CISD1: variants seen among roughly 807,000 people sequenced by gnomAD.
The protein encoded by CISD1 is CDGSH iron-sulfur domain-containing protein 1.
A neutral mutation model predicts 12.0 loss-of-function variants in CISD1; 8 were observed. The observed-to-expected ratio is 0.67, with a 90% confidence interval of 0.39 to 1.20. CISD1 has a LOEUF of 1.20. Among genes scored for constraint, CISD1 ranks in the 50% most tolerant of loss-of-function variants. CISD1 has a pLI of 0.01. For synonymous variants in CISD1, 38 were observed against 42.2 expected (o/e 0.90, Z 0.39); for missense variants, 107 against 132.7 (o/e 0.81, Z 0.95).
rs1588978270 is a variant in CISD1 at position 58,269,304 on chromosome 10, G to C, written c.31G>C (p.Val11Leu). ...TCTGACTTCCAGTTCCAGCGTACGA[G>C]GTGAAGTGGGGCCTGGGAGCGGGTG... is the stretch of plus-strand genomic sequence containing the variant. MSLTSSSSVR[V>L]EWIAAVTIAA... Residue 11 changes from valine to leucine, a missense_variant and splice_region_variant, in exon 1 of 3, where the codon GTT (valine) becomes CTT (leucine). Transcript: ENST00000333926. 1 of 1,608,418 alleles carries C rather than the reference G, an allele frequency of 6.2e-7. No homozygotes were observed. Among genetic ancestry groups the C allele is most frequent in the East Asian group, 2.2e-5 (1 of 44,802 alleles).
intron 2 of CISD1, 24 bp downstream of exon 2, chr10:58,277,346 C>T (rs763199250): frequency 6.9e-7 from 1 of 1,452,332 alleles, no homozygotes; most frequent in Non-Finnish European, 9.4e-7. Flanking sequence ...TTCCTTCATA[C>T]AGTACCATTT....
At chr10:58,269,357 G>C (rs901475891) in intron 1 of CISD1, 53 bp downstream of exon 1, 19 of 1,548,848 alleles carry the variant, frequency 1.2e-5, no homozygotes, top group South Asian at 4.5e-5. Flanking sequence ...CGGTTGCCGC[G>C]CCCGCAGTTC....
At chr10:58,269,860 G>A (rs933530815) in intron 1 of CISD1, among the ~76,000 whole-genome samples, 6 of 152,112 alleles carry the variant, frequency 3.9e-5, no homozygotes, top group Non-Finnish European at 7.3e-5. Context: ...CAGTAGTCCA[G>A]GATAAAGGAT....
At chr10:58,278,890 G>A (rs1453022692) in intron 2 of CISD1, among the ~76,000 whole-genome samples, 1 of 152,122 alleles carries the variant, frequency 6.6e-6, no homozygotes, top group Non-Finnish European at 1.5e-5. Context: ...TGACCCAAAG[G>A]GAAAAAAAGG....
At chr10:58,273,829 T>C (rs1345580926) in intron 1 of CISD1, among the ~76,000 whole-genome samples, 1 of 152,130 alleles carries the variant, frequency 6.6e-6, no homozygotes, top group Non-Finnish European at 1.5e-5. Flanking sequence ...CCTTGAGAAA[T>C]GTCTATAGAA....
intron 1 of CISD1, 23 bp downstream of exon 1, chr10:58,269,327 G>A (rs771285785): frequency 6.3e-7 from 1 of 1,599,820 alleles, no homozygotes; most frequent in Non-Finnish European, 8.5e-7. Flanking sequence ...CTGGGAGCGG[G>A]TGAGGCTGGT....
At chr10:58,279,590 C>G (rs1839352721) in intron 2 of CISD1, among the ~76,000 whole-genome samples, 1 of 152,052 alleles carries the variant, frequency 6.6e-6, no homozygotes. Context: ...ATGAAGAGCA[C>G]TATTCATTTG....
chr10:58,275,981 G>GTT, intron 1 of CISD1: 1 of 152,218 alleles, frequency 6.6e-6, no homozygotes, highest in East Asian at 1.9e-4. Flanking sequence ...CTTGGGATGT[G>GTT]TTTTTTTGTA....
chr10:58,274,667 G>A (rs1056110531), intron 1 of CISD1, among the ~76,000 whole-genome samples: 1 of 152,064 alleles, frequency 6.6e-6, no homozygotes, highest in Non-Finnish European at 1.5e-5. Flanking sequence ...AGCACAAAGT[G>A]TGTGTTTTGA....
intron 1 of CISD1, chr10:58,276,012 T>A (rs977420173): frequency 2.6e-5 from 4 of 152,204 alleles, no homozygotes; most frequent in African/African-American, 9.7e-5. Flanking sequence ...TAGGGTTTTA[T>A]TTGATAGTCT....
chr10:58,275,015 G>T (rs549808201), intron 1 of CISD1, among the ~76,000 whole-genome samples: 1 of 152,242 alleles, frequency 6.6e-6, no homozygotes, highest in East Asian at 1.9e-4. Flanking sequence ...TGGATCTCAG[G>T]ACTGTTTGCA....
intron 2 of CISD1, among the ~76,000 whole-genome samples, chr10:58,279,215 A>G (rs1335437771): frequency 6.6e-6 from 1 of 152,192 alleles, no homozygotes; most frequent in Non-Finnish European, 1.5e-5. Flanking sequence ...AATTACTTTC[A>G]GGCTACATGT....
At chr10:58,284,277 A>T (rs1839404984) in intron 2 of CISD1, among the ~76,000 whole-genome samples, 1 of 151,910 alleles carries the variant, frequency 6.6e-6, no homozygotes, top group African/African-American at 2.4e-5. Flanking sequence ...TTGAGGCTTC[A>T]GTAAGCTGCG....
intron 1 of CISD1, among the ~76,000 whole-genome samples, chr10:58,272,921 A>T (rs1003406456): frequency 6.6e-6 from 1 of 152,314 alleles, no homozygotes; most frequent in Admixed American, 6.5e-5. Flanking sequence ...TCCATCGCAA[A>T]AAAAAGAAAA....
intron 2 of CISD1, among the ~76,000 whole-genome samples, 193 bp from the exon 3 acceptor site, chr10:58,287,368 G>T (rs971285996): frequency 7.9e-5 from 12 of 152,150 alleles, no homozygotes; most frequent in African/African-American, 2.9e-4. Flanking sequence ...TAAATGATGT[G>T]TGTATTATGC....
Position 58,282,258 on chromosome 10 carries a change from G to A in CISD1, c.237+4936G>A, listed in dbSNP as rs2790187. 5.3e-3 allele frequency among the ~76,000 whole-genome samples: 810 copies of A among 152,204 alleles called. 5 individuals carry two copies. The highest frequency in any genetic ancestry group is 0.019 in the African/African-American group (776 of 41,518). On this transcript the variant is annotated intron_variant, in intron 2 of 2. Coordinates refer to ENST00000333926, the MANE Select transcript of CISD1 (RefSeq NM_018464.5). ...ATTGCAGGTGTCATCCACTGTGTCC[G>A]GCCCAGAAATTGGTTTATTTTATAG...
chr10:58,269,645 G>T (rs985534312), intron 1 of CISD1, among the ~76,000 whole-genome samples: 5 of 152,220 alleles, frequency 3.3e-5, no homozygotes, highest in African/African-American at 1.2e-4. Context: ...AGAAGGAAAG[G>T]TGGGAGAAAA....
chr10:58,279,047 C>T (rs1342276845), intron 2 of CISD1, among the ~76,000 whole-genome samples: 1 of 152,146 alleles, frequency 6.6e-6, no homozygotes, highest in African/African-American at 2.4e-5. Context: ...AAAATGATTG[C>T]TTATCAGTAG....
Position 58,287,706 on chromosome 10 carries a change from T to C in CISD1, c.*56T>C. ...GTCGTGAAGTTACCTGATTGTTTAA[T>C]TAGAATGACTACCACCTCTGTCTGA... On this transcript the variant is annotated 3_prime_UTR_variant, in exon 3 of 3. Transcript: ENST00000333926. 9.0e-7 allele frequency: 1 copy of C among 1,116,716 alleles called. No homozygotes were observed. Among genetic ancestry groups the C allele is most frequent in the South Asian group, 1.4e-5 (1 of 72,556 alleles). 69.2% of individuals were successfully genotyped at this position (1,116,716 alleles called of 1,614,324 possible).
Sources: gnomAD v4.1 joint callset for allele counts (sites outside exome capture counted in the v4.1 genomes callset) on GRCh38, gnomAD v4.1.1 for gene constraint, MANE v1.5 for transcripts, NCBI Gene and HGNC (gene_info 2026-07-23, HGNC 2026-07-21) for gene names.